Variants in CUBN observed in about 807,000 individuals in gnomAD.
The protein encoded by CUBN is cubilin.
In CUBN, 282 loss-of-function variants were observed where a neutral mutation model predicts 405.3. The ratio of observed to expected loss-of-function variants is 0.70; its 90% CI spans 0.63 to 0.77. The LOEUF (loss-of-function observed/expected upper bound fraction) is 0.77. CUBN is among the 30% of genes least tolerant of loss of function. CUBN has a pLI of 0.00. For synonymous variants in CUBN, 1,684 were observed against 1,617.0 expected (o/e 1.04, Z -0.99); for missense variants, 4,514 against 4,475.2 (o/e 1.01, Z -0.25).
chr10:17,011,302 G>T (rs916509071), intron 28 of CUBN, among the ~76,000 whole-genome samples: 4 of 152,154 alleles, frequency 2.6e-5, no homozygotes, highest in African/African-American at 9.7e-5. Context: ...TCCAGAGTTT[G>T]TTCAGATGTT....
intron 36 of CUBN, among the ~76,000 whole-genome samples, chr10:16,942,359 T>A (rs1842675043): frequency 6.6e-6 from 1 of 152,146 alleles, no homozygotes; most frequent in Non-Finnish European, 1.5e-5. Context: ...GTATCCTGAA[T>A]ATAAAATAAC....
At chr10:16,838,078 C>A (rs987321853) in intron 62 of CUBN, among the ~76,000 whole-genome samples, 1 of 152,154 alleles carries the variant, frequency 6.6e-6, no homozygotes, top group African/African-American at 2.4e-5. Context: ...TCCTGAAAAC[C>A]ATTACCAATG....
chr10:17,009,230 C>T (rs1000649006), intron 28 of CUBN, among the ~76,000 whole-genome samples: 15 of 152,204 alleles, frequency 9.9e-5, no homozygotes, highest in African/African-American at 3.1e-4. Context: ...TTTTATATTT[C>T]GGTTCTGGTC....
At chr10:16,931,428 G>A (rs1433701482) in intron 40 of CUBN, among the ~76,000 whole-genome samples, 3 of 152,132 alleles carry the variant, frequency 2.0e-5, no homozygotes, top group Non-Finnish European at 4.4e-5. Flanking sequence ...TACTCACATT[G>A]CCAGTGCATA....
intron 28 of CUBN, among the ~76,000 whole-genome samples, chr10:16,996,872 C>T (rs1833748855): frequency 2.0e-5 from 3 of 152,260 alleles, no homozygotes; most frequent in South Asian, 2.1e-4. Context: ...GATTCATCAC[C>T]GACACCCTCC....
chr10:16,970,749 C>T (rs1380420129), intron 31 of CUBN, among the ~76,000 whole-genome samples: 1 of 152,146 alleles, frequency 6.6e-6, no homozygotes, highest in Non-Finnish European at 1.5e-5. Flanking sequence ...GCTGATCCTG[C>T]TGTTAATTTC....
chr10:16,869,238 C>G (rs1176612142), intron 59 of CUBN, among the ~76,000 whole-genome samples: 1 of 143,252 alleles, frequency 7.0e-6, no homozygotes, highest in Non-Finnish European at 1.5e-5. Context: ...TGATTTTGGC[C>G]CACTGCAACC....
intron 56 of CUBN, among the ~76,000 whole-genome samples, chr10:16,883,393 G>C (rs970059187): frequency 1.3e-5 from 2 of 152,098 alleles, no homozygotes; most frequent in African/African-American, 4.8e-5. Context: ...AATATCAATA[G>C]GAAACATTTC....
intron 22 of CUBN, among the ~76,000 whole-genome samples, chr10:17,048,391 G>A (rs923112046): frequency 6.6e-6 from 1 of 152,078 alleles, no homozygotes; most frequent in Non-Finnish European, 1.5e-5. Context: ...CTATTCAGTC[G>A]ATTCTGTGTT....
intron 32 of CUBN, among the ~76,000 whole-genome samples, chr10:16,953,048 G>C (rs1436343979): frequency 6.6e-6 from 1 of 152,174 alleles, no homozygotes; most frequent in East Asian, 1.9e-4. Flanking sequence ...GGGTTCTGGG[G>C]CTCTTGGTTA....
chr10:17,111,126 A>G lies in CUBN; in HGVS notation c.884-76T>C, dbSNP rs1406900913. ...GGAAGAAATACAAGAGTCAAAACAT[A>G]TAAAAACCTTCTCCACCTAAGGAAC... is the stretch of plus-strand genomic sequence containing the variant. On this transcript the variant is annotated intron_variant, in intron 8 of 66. Coordinates refer to ENST00000377833, the MANE Select transcript of CUBN (RefSeq NM_001081.4). The G allele has an allele frequency of 2.0e-6, 3 of 1,498,966 alleles. No individual in the cohort carries two copies. In the African/African-American group the frequency reaches 4.1e-5, roughly 21 times the overall value. 92.9% of individuals were successfully genotyped at this position (1,498,966 alleles called of 1,614,324 possible). A position where few individuals can be genotyped will look rare whatever the true frequency, so the allele number is the denominator to read the frequency against.
rs1588620650 is a variant in CUBN at position 17,065,732 on chromosome 10, G to A, written c.3009-94C>T. The A allele has an allele frequency of 7.6e-6, 11 of 1,446,588 alleles. No individual in the cohort carries two copies. The East Asian group carries it at 2.5e-4, about 34-fold the overall frequency. 89.6% of individuals were successfully genotyped at this position (1,446,588 alleles called of 1,614,324 possible). On this transcript the variant is annotated intron_variant, in intron 21 of 66. Coordinates refer to ENST00000377833, the MANE Select transcript of CUBN (RefSeq NM_001081.4). ...ATTTGGACATGTAAATATAATAATA[G>A]GTTTTGTTCTCTACCTCTCATCAAC...
At chr10:17,068,448 T>G (rs181421984) in intron 20 of CUBN, among the ~76,000 whole-genome samples, 157 bp downstream of exon 20, 74 of 152,284 alleles carry the variant, frequency 4.9e-4, no homozygotes, top group South Asian at 1.0e-3. Context: ...AATTAACTTT[T>G]GATATAAATG....
At chr10:17,120,089 G>A (rs544254917) in intron 6 of CUBN, among the ~76,000 whole-genome samples, 1 of 152,334 alleles carries the variant, frequency 6.6e-6, no homozygotes, top group East Asian at 1.9e-4. Flanking sequence ...AGATGATTCT[G>A]AGGCTCAAGT....
At chr10:16,887,447 T>G (rs1840853126) in intron 56 of CUBN, among the ~76,000 whole-genome samples, 2 of 152,226 alleles carry the variant, frequency 1.3e-5, no homozygotes, top group Admixed American at 6.5e-5. Flanking sequence ...TTTTCAATAT[T>G]TTCTTTAAAT....
At chr10:16,840,039 G>C (rs1342180899) in intron 62 of CUBN, among the ~76,000 whole-genome samples, 1 of 145,162 alleles carries the variant, frequency 6.9e-6, no homozygotes, top group Admixed American at 7.2e-5. Context: ...ACACAGGAAG[G>C]GGAACATCAC....
intron 32 of CUBN, 141 bp from the exon 33 acceptor site, chr10:16,952,530 A>T: frequency 9.0e-6 from 6 of 667,552 alleles, no homozygotes; most frequent in South Asian, 4.5e-5. Context: ...CTCCATAAGG[A>T]GAGCTGTACA....
At chr10:17,044,032 T>C (rs1202391975) in intron 25 of CUBN, 49 bp from the exon 26 acceptor site, 8 of 1,471,828 alleles carry the variant, frequency 5.4e-6, no homozygotes, top group South Asian at 2.3e-5. Flanking sequence ...ATAAACATTA[T>C]GTAAAGGACT....
Position 17,029,317 on chromosome 10 carries a change from G to T in CUBN, c.4018-9334C>A, listed in dbSNP as rs144329715. The stretch of plus-strand genomic sequence containing the variant: ...ATCAGCATTTCTTTTTAAGGAAAGG[G>T]ATTCTGATCACACTGAAATAACATT... On this transcript the variant is annotated intron_variant, in intron 27 of 66. Coordinates refer to ENST00000377833, the MANE Select transcript of CUBN (RefSeq NM_001081.4). Among the ~76,000 whole-genome samples, 18 of 152,250 alleles carry T rather than the reference G, an allele frequency of 1.2e-4. No individual in the cohort carries two copies. The East Asian group carries it at 3.5e-3, about 29-fold the overall frequency.
Sources: allele counts gnomAD v4.1 joint callset (sites outside exome capture counted in the v4.1 genomes callset), GRCh38; gene constraint gnomAD v4.1.1; transcripts MANE v1.5; gene names NCBI Gene and HGNC (gene_info 2026-07-23, HGNC 2026-07-21).